ASRGL1: variants seen among roughly 807,000 people sequenced by gnomAD.
ASRGL1 encodes isoaspartyl peptidase/L-asparaginase.
A neutral mutation model predicts 22.4 loss-of-function variants in ASRGL1; 16 were observed. The ratio of observed to expected loss-of-function variants is 0.71; its 90% CI spans 0.48 to 1.08. ASRGL1 has a LOEUF of 1.08. Ranked by LOEUF, ASRGL1 falls within the 50% of genes least tolerant of loss-of-function variation. The probability of loss-of-function intolerance (pLI) is 0.00; values close to 1 mark genes in which losing one functional copy is unlikely to be tolerated. For synonymous variants in ASRGL1, 165 were observed against 159.3 expected, an observed-to-expected ratio of 1.04 and a Z score of -0.27; for missense variants, 412 against 410.1, an observed-to-expected ratio of 1.00 and a Z score of -0.04.
chr11:62,364,312 C>T (rs1195838982), intron 4 of ASRGL1, among the ~76,000 whole-genome samples: 3 of 152,122 alleles, frequency 2.0e-5, no homozygotes, highest in Admixed American at 6.6e-5. Flanking sequence ...CATCACCAGC[C>T]GATTAACAAA....
chr11:62,353,862 T>C (rs1946220013), intron 2 of ASRGL1, among the ~76,000 whole-genome samples: 1 of 152,202 alleles, frequency 6.6e-6, no homozygotes, highest in South Asian at 2.1e-4. Flanking sequence ...CGCTGATCAG[T>C]GTAAAGGGAT....
chr11:62,399,289 C>G, the ASRGL1 span, among the ~76,000 whole-genome samples: 1 of 152,188 alleles, frequency 6.6e-6, no homozygotes, highest in Non-Finnish European at 1.5e-5. Flanking sequence ...GGCAAGGCAC[C>G]CTGCAGAACT....
At chr11:62,371,183 G>A in intron 4 of ASRGL1, 1 of 1,242,236 alleles carries the variant, frequency 8.1e-7, no homozygotes, top group Non-Finnish European at 1.1e-6. Context: ...CTGAGCTCGG[G>A]CAACGGCACT....
chr11:62,368,760 T>C (rs933356424), intron 4 of ASRGL1, among the ~76,000 whole-genome samples: 6 of 150,476 alleles, frequency 4.0e-5, no homozygotes, highest in African/African-American at 1.2e-4. Flanking sequence ...TGAGCAAAGG[T>C]CTCTGTGTCA....
chr11:62,361,838 C>T (rs1391452447), intron 4 of ASRGL1, among the ~76,000 whole-genome samples: 1 of 152,068 alleles, frequency 6.6e-6, no homozygotes, highest in African/African-American at 2.4e-5. Context: ...TACCGTGGTA[C>T]TGATAGTACC....
intron 2 of ASRGL1, among the ~76,000 whole-genome samples, chr11:62,340,119 A>G (rs887122265): frequency 5.3e-5 from 8 of 151,844 alleles, no homozygotes; most frequent in Non-Finnish European, 8.8e-5. Flanking sequence ...AAATACAAAA[A>G]TCAGCTGAGC....
intron 5 of ASRGL1, 168 bp downstream of exon 5, chr11:62,389,419 G>T (rs746791738): frequency 1.9e-5 from 14 of 731,770 alleles, no homozygotes; most frequent in East Asian, 1.1e-4. Context: ...GTTGTTCGGG[G>T]TGCTGCCTTG....
intron 6 of ASRGL1, 178 bp downstream of exon 6, chr11:62,391,810 G>A: frequency 1.3e-6 from 1 of 797,064 alleles, no homozygotes; most frequent in Non-Finnish European, 1.9e-6. Context: ...GAATGGTAGA[G>A]CATTGAGTAC....
At position 62,362,635 on chromosome 11, in the gene ASRGL1, A is replaced by AT. The variant is rs1565162319; in HGVS notation, c.491+5492dup. Among the ~76,000 whole-genome samples, 433 of 81,192 alleles carry AT rather than the reference A, an allele frequency of 5.3e-3. 42 individuals are homozygous for AT. Among genetic ancestry groups the AT allele is most frequent in the African/African-American group, 9.5e-3 (178 of 18,692 alleles). 53.3% of individuals were successfully genotyped at this position (81,192 alleles called of 152,430 possible). A position where few individuals can be genotyped will look rare whatever the true frequency, so the allele number is the denominator to read the frequency against. On this transcript the variant is annotated intron_variant, in intron 4 of 6. Coordinates refer to ENST00000415229, the MANE Select transcript of ASRGL1 (RefSeq NM_001083926.2). The stretch of plus-strand genomic sequence containing the variant: ...ATATATTATATATTATATAAAATAT[A>AT]TATAATATATAATATATATTATATA...
intron 3 of ASRGL1, 58 bp downstream of exon 3, chr11:62,356,525 T>C (rs1946301968): frequency 1.3e-6 from 2 of 1,565,900 alleles, no homozygotes; most frequent in East Asian, 4.5e-5. Context: ...ACTGCAGTGA[T>C]AAGGGCTCCA....
chr11:62,369,009 C>T lies in ASRGL1; in HGVS notation c.491+11865C>T, dbSNP rs543163207. On this transcript the variant is annotated intron_variant, in intron 4 of 6. Transcript: ENST00000415229. The stretch of plus-strand genomic sequence containing the variant: ...ACTGCAAAGAGGCCTTCCTCTTTTA[C>T]TAATCCTCCTCAGCACAGACCCTTT... Among the ~76,000 whole-genome samples the T allele has an allele frequency of 2.0e-4, 30 of 152,280 alleles. No homozygotes were observed. In the South Asian group the frequency reaches 6.2e-3, roughly 32 times the overall value.
chr11:62,391,963 C>T (rs1202079306), intron 6 of ASRGL1, 116 bp from the exon 7 acceptor site: 14 of 1,201,380 alleles, frequency 1.2e-5, no homozygotes, highest in East Asian at 4.7e-5. Flanking sequence ...AGCATTCAGG[C>T]GTTCATTTAC....
intron 4 of ASRGL1, among the ~76,000 whole-genome samples, chr11:62,365,440 G>C (rs567112574): frequency 6.6e-6 from 1 of 152,026 alleles, no homozygotes; most frequent in Admixed American, 6.5e-5. Context: ...TGTAATCCCA[G>C]CTACTCGTGA....
chr11:62,373,228 A>G (rs1160539613), intron 4 of ASRGL1: 3 of 853,222 alleles, frequency 3.5e-6, no homozygotes, highest in African/African-American at 3.3e-5. Flanking sequence ...TGTCATTTCC[A>G]TGTGCACTGG....
At chr11:62,389,456 GTT>G in intron 5 of ASRGL1, 2 of 650,776 alleles carry the variant, frequency 3.1e-6, no homozygotes, top group South Asian at 3.1e-5. Flanking sequence ...TGGCGCCACT[GTT>G]TTTACTAGAT....
chr11:62,399,620 C>T, the ASRGL1 span, among the ~76,000 whole-genome samples: 2 of 152,220 alleles, frequency 1.3e-5, no homozygotes, highest in African/African-American at 4.8e-5. Context: ...CTGCCTGCAG[C>T]GGGCTCAGAT....
intron 4 of ASRGL1, among the ~76,000 whole-genome samples, chr11:62,362,773 T>C (rs1265271116): frequency 1.8e-5 from 2 of 112,226 alleles, no homozygotes; most frequent in African/African-American, 6.8e-5. Context: ...TATATAAATT[T>C]AAATTTTTTT....
intron 4 of ASRGL1, among the ~76,000 whole-genome samples, chr11:62,360,934 C>T (rs1456271326): frequency 6.6e-6 from 1 of 152,146 alleles, no homozygotes; most frequent in African/African-American, 2.4e-5. Flanking sequence ...AATATTTAGC[C>T]AAGCCTAATC....
chr11:62,375,710 T>G (rs2134668984), intron 4 of ASRGL1, among the ~76,000 whole-genome samples: 1 of 151,612 alleles, frequency 6.6e-6, no homozygotes. Context: ...TATCCATCCA[T>G]GTGACTGCCC....
Sources: allele counts gnomAD v4.1 joint callset (sites outside exome capture counted in the v4.1 genomes callset), GRCh38; gene constraint gnomAD v4.1.1; transcripts MANE v1.5; gene names NCBI Gene and HGNC (gene_info 2026-07-23, HGNC 2026-07-21).